PLEKHA5: variants seen among roughly 807,000 people sequenced by gnomAD.
PLEKHA5 encodes the protein pleckstrin homology domain containing A5, also known as pleckstrin homology domain-containing family A member 5.
In PLEKHA5, 55 loss-of-function variants were observed where a neutral mutation model predicts 181.9. The observed-to-expected ratio is 0.30, with a 90% confidence interval of 0.24 to 0.38. The LOEUF (loss-of-function observed/expected upper bound fraction) is 0.38, where lower values mean the gene tolerates loss of function less well. PLEKHA5 is among the 10% of genes least tolerant of loss of function. The pLI is 1.00. For missense variants in PLEKHA5, 1,432 were observed against 1,549.5 expected, an observed-to-expected ratio of 0.92 and a Z score of 1.27; for synonymous variants, 535 against 529.4, an observed-to-expected ratio of 1.01 and a Z score of -0.15.
rs976280649 is a variant in PLEKHA5, at chr12:19,356,174, CA to C, written c.3139-2045del. Among the ~76,000 whole-genome samples, 5 of 144,956 alleles carry C rather than the reference CA, an allele frequency of 3.4e-5. No homozygotes were observed. In the South Asian group the frequency reaches 1.1e-3, roughly 33 times the overall value. The stretch of plus-strand genomic sequence containing the variant: ...AGTGAGACTCTGTCTCAAAAAAAAA[CA>C]AAAAAAAACAACACACACACAAATA... On this transcript the variant is annotated intron_variant, in intron 26 of 31. Coordinates refer to ENST00000429027, the MANE Select transcript of PLEKHA5 (RefSeq NM_001256470.2).
chr12:19,367,615 T>C (rs1303135093), intron 30 of PLEKHA5, among the ~76,000 whole-genome samples: 2 of 151,832 alleles, frequency 1.3e-5, no homozygotes, highest in Non-Finnish European at 1.5e-5. Context: ...AGTCTTGCTC[T>C]GTTGCCCAGG....
intron 21 of PLEKHA5, 40 bp from the exon 22 acceptor site, chr12:19,343,282 AT>A (rs778690762): frequency 7.6e-6 from 9 of 1,187,986 alleles, no homozygotes; most frequent in South Asian, 1.4e-5. Flanking sequence ...TCAGTGAATG[AT>A]TTTTTTTCTT....
chr12:19,192,159 A>G (rs1038791876), intron 3 of PLEKHA5, among the ~76,000 whole-genome samples: 1 of 152,192 alleles, frequency 6.6e-6, no homozygotes, highest in African/African-American at 2.4e-5. Context: ...TAATGAAGGA[A>G]AAAGTAAACA....
At position 19,161,753 on chromosome 12, in the gene PLEKHA5, A is replaced by G. The variant is rs190901723; in HGVS notation, c.227+29303A>G. Among the ~76,000 whole-genome samples, 524 of 152,340 alleles carry G rather than the reference A, an allele frequency of 3.4e-3. 3 individuals carry two copies. The highest frequency in any genetic ancestry group is 0.012 in the African/African-American group (505 of 41,570). On this transcript the variant is annotated intron_variant, in intron 3 of 31. Coordinates refer to ENST00000429027, the MANE Select transcript of PLEKHA5 (RefSeq NM_001256470.2). The stretch of plus-strand genomic sequence containing the variant: ...AGGATTAGCAGATATTGAGATATAG[A>G]TTGAGAAGATACCAGTAAAACCATT...
intron 3 of PLEKHA5, among the ~76,000 whole-genome samples, chr12:19,241,024 A>G (rs1317671771): frequency 1.3e-5 from 2 of 152,272 alleles, no homozygotes; most frequent in Middle Eastern, 3.4e-3. Flanking sequence ...TTAACCTTGG[A>G]TCACATTATC....
intron 3 of PLEKHA5, among the ~76,000 whole-genome samples, chr12:19,170,770 A>G (rs964954957): frequency 6.6e-6 from 1 of 152,148 alleles, no homozygotes; most frequent in Non-Finnish European, 1.5e-5. Context: ...TCTGGAGACG[A>G]CATACTTTTT....
chr12:19,239,354 T>C lies in PLEKHA5; in HGVS notation c.228-14586T>C, dbSNP rs570794755. ...GTAGTGGCCATTGGATTTCCCCCCA[T>C]GTCTCCAGTTATTGCCCACTCTGCT... On this transcript the variant is annotated intron_variant, in intron 3 of 31. Transcript: ENST00000429027. Among the ~76,000 whole-genome samples the C allele has an allele frequency of 9.9e-5, 15 of 152,220 alleles. No homozygotes were observed. The East Asian group carries it at 1.5e-3, about 16-fold the overall frequency.
chr12:19,147,645 A>C (rs935851026), intron 3 of PLEKHA5, among the ~76,000 whole-genome samples: 7 of 144,686 alleles, frequency 4.8e-5, no homozygotes, highest in Admixed American at 7.1e-5. Flanking sequence ...AGAATGAATT[A>C]TTACCAGTAA....
At chr12:19,231,800 T>C (rs888978278) in intron 3 of PLEKHA5, among the ~76,000 whole-genome samples, 2 of 151,862 alleles carry the variant, frequency 1.3e-5, no homozygotes, top group African/African-American at 2.4e-5. Context: ...ATTTAAGTTT[T>C]TATACTACAT....
rs561307904 is a variant in PLEKHA5, at chr12:19,250,650, T to G, written c.228-3290T>G. Reference sequence around the variant, plus strand: ...ATTTTATCCTTTTTATAAGGATTCTTCTAGAAATACAAATTTTTTAAATAC... The same window carrying G: ...ATTTTATCCTTTTTATAAGGATTCTGCTAGAAATACAAATTTTTTAAATAC... On this transcript the variant is annotated intron_variant, in intron 3 of 31. Transcript: ENST00000429027. 1.6e-4 allele frequency among the ~76,000 whole-genome samples: 24 copies of G among 152,338 alleles called. 1 individual carries two copies. The South Asian group carries it at 4.4e-3, about 28-fold the overall frequency.
chr12:19,201,976 A>G (rs1233455819), intron 3 of PLEKHA5: 4 of 907,246 alleles, frequency 4.4e-6, no homozygotes, highest in Non-Finnish European at 5.3e-6. Context: ...CACTGCAATA[A>G]AACTAAATAA....
intron 3 of PLEKHA5, chr12:19,200,700 T>A: frequency 3.0e-6 from 3 of 1,007,806 alleles, no homozygotes; most frequent in Non-Finnish European, 3.6e-6. Flanking sequence ...ATTTCTGCTT[T>A]CCAAAACCAA....
intron 29 of PLEKHA5, among the ~76,000 whole-genome samples, chr12:19,364,116 G>A (rs1342837781): frequency 6.6e-6 from 1 of 152,110 alleles, no homozygotes; most frequent in Non-Finnish European, 1.5e-5. Flanking sequence ...GTACATTAAG[G>A]GAAAGGATCA....
intron 21 of PLEKHA5, among the ~76,000 whole-genome samples, chr12:19,338,582 T>C (rs2153145293): frequency 6.6e-6 from 1 of 150,468 alleles, no homozygotes; most frequent in South Asian, 2.1e-4. Context: ...TATGCCAGCC[T>C]GGGCGACAAA....
chr12:19,242,280 C>A (rs888667023), intron 3 of PLEKHA5, among the ~76,000 whole-genome samples: 4 of 150,250 alleles, frequency 2.7e-5, no homozygotes, highest in Non-Finnish European at 5.9e-5. Flanking sequence ...ACTCTGTCAT[C>A]CAGGCTGGAG....
chr12:19,206,010 GACA>G (rs2055398060), intron 3 of PLEKHA5, among the ~76,000 whole-genome samples: 1 of 152,002 alleles, frequency 6.6e-6, no homozygotes. Flanking sequence ...AAATGAAATT[GACA>G]ACATTTTGTA....
At chr12:19,256,226 C>G (rs1050567183) in intron 5 of PLEKHA5, among the ~76,000 whole-genome samples, 2 of 151,896 alleles carry the variant, frequency 1.3e-5, no homozygotes, top group African/African-American at 2.4e-5. Context: ...AAAAAGACAC[C>G]ATTTCCACCT....
chr12:19,180,337 T>C (rs2048262062), intron 3 of PLEKHA5, among the ~76,000 whole-genome samples: 1 of 152,134 alleles, frequency 6.6e-6, no homozygotes, highest in African/African-American at 2.4e-5. Flanking sequence ...CAAGACTGTT[T>C]TGCAGGCCCA....
intron 3 of PLEKHA5, among the ~76,000 whole-genome samples, chr12:19,211,937 C>T (rs1292019809): frequency 6.6e-6 from 1 of 152,194 alleles, no homozygotes; most frequent in African/African-American, 2.4e-5. Context: ...CTCCATTCCT[C>T]TCCCGATTTC....
Sources: gnomAD v4.1 joint callset for allele counts (sites outside exome capture counted in the v4.1 genomes callset) on GRCh38, gnomAD v4.1.1 for gene constraint, MANE v1.5 for transcripts, NCBI Gene and HGNC (gene_info 2026-07-23, HGNC 2026-07-21) for gene names.